SH3RF3: variants seen among roughly 807,000 people sequenced by gnomAD.
SH3RF3 encodes SH3 domain containing ring finger 3, also known as E3 ubiquitin-protein ligase SH3RF3.
SH3RF3 carries 29 observed loss-of-function variants against 66.3 expected under a neutral mutation model. The ratio of observed to expected loss-of-function variants is 0.44; its 90% CI spans 0.33 to 0.60. The LOEUF is 0.60. Among genes scored for constraint, SH3RF3 ranks in the 20% least tolerant of loss-of-function variants. The pLI is 0.04. For synonymous variants in SH3RF3, 583 were observed against 532.0 expected (o/e 1.10, Z -1.32); for missense variants, 1,194 against 1,190.9 (o/e 1.00, Z -0.04).
At chr2:109,157,859 C>T (rs6719748) in intron 1 of SH3RF3, among the ~76,000 whole-genome samples, 71,203 of 151,846 alleles carry the variant, frequency 0.47, 17,604 homozygotes, top group Non-Finnish European at 0.55. Flanking sequence ...GGATTAAGGC[C>T]ACACAGCTCT....
chr2:109,370,190 G>GGTCTCTGTCTCTGTCTCTGTCTCT (rs10625245), intron 2 of SH3RF3, among the ~76,000 whole-genome samples: 1 of 147,224 alleles, frequency 6.8e-6, no homozygotes, highest in Non-Finnish European at 1.5e-5. Context: ...TTGCTGTGGT[G>GGTCTCTGTCTCTGTCTCTGTCTCT]GTCTCTGTCT....
rs898885015 is a variant in SH3RF3 at position 109,147,347 on chromosome 2, A to G, written c.573+17234A>G. 3.9e-5 allele frequency among the ~76,000 whole-genome samples: 6 copies of G among 152,194 alleles called. No individual in the cohort carries two copies. The South Asian group carries it at 6.2e-4, about 16-fold the overall frequency. On this transcript the variant is annotated intron_variant, in intron 1 of 9. Coordinates refer to ENST00000309415, the MANE Select transcript of SH3RF3 (RefSeq NM_001099289.3). ...CTCAAATGCTTTTGTGGACGAGACT[A>G]TCTCTGCGCTGATAAGCACCTTGTT... is the stretch of plus-strand genomic sequence containing the variant.
intron 3 of SH3RF3, among the ~76,000 whole-genome samples, chr2:109,397,908 T>C (rs1676192995): frequency 1.3e-5 from 2 of 152,238 alleles, no homozygotes; most frequent in African/African-American, 4.8e-5. Context: ...GCCTGCTATC[T>C]TGTAGAACAA....
At chr2:109,387,345 T>C (rs4355149) in intron 3 of SH3RF3, among the ~76,000 whole-genome samples, 75,862 of 152,026 alleles carry the variant, frequency 0.5, 19,370 homozygotes, top group South Asian at 0.6. Context: ...GCCCTCCGGT[T>C]CCCCATCTCA....
At chr2:109,294,551 A>G (rs1203966013) in intron 1 of SH3RF3, among the ~76,000 whole-genome samples, 5 of 147,190 alleles carry the variant, frequency 3.4e-5, no homozygotes, top group Non-Finnish European at 3.0e-5. Flanking sequence ...ATAGAGGGAG[A>G]CTCAGTCTCA....
chr2:109,501,848 A>G lies in SH3RF3; in HGVS notation c.*177A>G. The G allele has an allele frequency of 1.7e-6, 1 of 583,526 alleles. No homozygotes were observed. The highest frequency in any genetic ancestry group is 3.1e-6 in the Non-Finnish European group (1 of 327,370). The allele number at this position is 583,526 out of a possible 1,614,324, so 36.1% of individuals were successfully genotyped here. A position where few individuals can be genotyped will look rare whatever the true frequency, so the allele number is the denominator to read the frequency against. On this transcript the variant is annotated 3_prime_UTR_variant, in exon 10 of 10. Coordinates refer to ENST00000309415, the MANE Select transcript of SH3RF3 (RefSeq NM_001099289.3). ...ACTGTGGAGGTCGTGCCTTCTCCCA[A>G]AACCCCCAAACGGAGAGCACACCTG...
At chr2:109,284,179 GT>G (rs1352339199) in intron 1 of SH3RF3, among the ~76,000 whole-genome samples, 1 of 152,184 alleles carries the variant, frequency 6.6e-6, no homozygotes, top group East Asian at 1.9e-4. Flanking sequence ...GGGGAAGGGG[GT>G]TGGGGCCTGC....
intron 1 of SH3RF3, among the ~76,000 whole-genome samples, chr2:109,273,295 G>A (rs114662928): frequency 4.8e-4 from 73 of 152,314 alleles, no homozygotes; most frequent in Non-Finnish European, 9.4e-4. Context: ...GGGCACTCAG[G>A]GCCCTGGAGG....
At chr2:109,218,949 G>A (rs1239984793) in intron 1 of SH3RF3, among the ~76,000 whole-genome samples, 2 of 152,222 alleles carry the variant, frequency 1.3e-5, no homozygotes, top group Admixed American at 6.5e-5. Context: ...GGCTTGTAGA[G>A]GGGTGTGTCT....
intron 3 of SH3RF3, among the ~76,000 whole-genome samples, chr2:109,372,326 C>G (rs2105685999): frequency 6.6e-6 from 1 of 152,314 alleles, no homozygotes; most frequent in South Asian, 2.1e-4. Context: ...CACCTGCTAG[C>G]CTGGGGCTGT....
chr2:109,432,419 A>G (rs1677256994), intron 5 of SH3RF3, 82 bp from the exon 6 acceptor site: 3 of 1,552,996 alleles, frequency 1.9e-6, no homozygotes, highest in Non-Finnish European at 1.7e-6. Flanking sequence ...TCCTCCAAAG[A>G]CAACCTCCCC....
At position 109,253,568 on chromosome 2, in the gene SH3RF3, G is replaced by A. The variant is rs539479434; in HGVS notation, c.574-94106G>A. On this transcript the variant is annotated intron_variant, in intron 1 of 9. Coordinates refer to ENST00000309415, the MANE Select transcript of SH3RF3 (RefSeq NM_001099289.3). ...ATGATTTTCATGCTGGATCTAAGATGTTGAGGCAGCAAATTCTTATTCTGA... is the reference window on the plus strand; with the variant it reads ...ATGATTTTCATGCTGGATCTAAGATATTGAGGCAGCAAATTCTTATTCTGA... 1.1e-4 allele frequency among the ~76,000 whole-genome samples: 17 copies of A among 152,270 alleles called. No individual in the cohort carries two copies. The South Asian group carries it at 3.3e-3, about 30-fold the overall frequency.
chr2:109,264,841 T>C (rs1390551625), intron 1 of SH3RF3, among the ~76,000 whole-genome samples: 2 of 152,250 alleles, frequency 1.3e-5, no homozygotes, highest in Admixed American at 1.3e-4. Flanking sequence ...TGGAGTGTGC[T>C]ATTTTCCACT....
intron 1 of SH3RF3, among the ~76,000 whole-genome samples, chr2:109,345,925 G>A (rs746843465): frequency 8.7e-4 from 133 of 152,240 alleles, no homozygotes; most frequent in Non-Finnish European, 1.5e-3. Flanking sequence ...CCCACCTTCC[G>A]GTTGTGATAG....
intron 1 of SH3RF3, among the ~76,000 whole-genome samples, chr2:109,303,368 A>C (rs1181932797): frequency 6.6e-6 from 1 of 152,064 alleles, no homozygotes; most frequent in Non-Finnish European, 1.5e-5. Flanking sequence ...GAAGGTGGGC[A>C]CTCCCCACTT....
intron 1 of SH3RF3, among the ~76,000 whole-genome samples, chr2:109,138,729 G>A (rs1676869012): frequency 6.6e-6 from 1 of 152,218 alleles, no homozygotes; most frequent in Non-Finnish European, 1.5e-5. Flanking sequence ...CCCAGGTGCT[G>A]GGGCTGTGGA....
chr2:109,173,911 C>A (rs1677859023), intron 1 of SH3RF3, among the ~76,000 whole-genome samples: 1 of 152,210 alleles, frequency 6.6e-6, no homozygotes, highest in Non-Finnish European at 1.5e-5. Context: ...AATGTGAAAT[C>A]CGGTGTGGGC....
At chr2:109,206,798 A>AAG (rs956046706) in intron 1 of SH3RF3, among the ~76,000 whole-genome samples, 3 of 152,212 alleles carry the variant, frequency 2.0e-5, no homozygotes, top group African/African-American at 7.2e-5. Flanking sequence ...CCTGGGTGAC[A>AAG]AGAGAGAGAC....
intron 1 of SH3RF3, among the ~76,000 whole-genome samples, chr2:109,162,036 G>A (rs1368722757): frequency 1.3e-5 from 2 of 152,168 alleles, no homozygotes; most frequent in Admixed American, 1.3e-4. Flanking sequence ...TCCTTGGGAT[G>A]TGTCCTCAGG....
Sources: gnomAD v4.1 joint callset for allele counts (sites outside exome capture counted in the v4.1 genomes callset) on GRCh38, gnomAD v4.1.1 for gene constraint, MANE v1.5 for transcripts, NCBI Gene and HGNC (gene_info 2026-07-23, HGNC 2026-07-21) for gene names.